ZNF790: variants seen among roughly 807,000 people sequenced by gnomAD.
The protein encoded by ZNF790 is zinc finger protein 790.
In ZNF790, 8 loss-of-function variants were observed where a neutral mutation model predicts 12.1. The ratio of observed to expected loss-of-function variants is 0.66; its 90% CI spans 0.39 to 1.19. The LOEUF is 1.19. Ranked by LOEUF, ZNF790 falls within the 50% of genes most tolerant of loss-of-function variation. The pLI is 0.01. For synonymous variants in ZNF790, 252 were observed against 244.3 expected, an observed-to-expected ratio of 1.03 and a Z score of -0.29; for missense variants, 707 against 752.2, an observed-to-expected ratio of 0.94 and a Z score of 0.70.
At chr19:36,831,166 A>G (rs1206278557) in intron 1 of ZNF790, among the ~76,000 whole-genome samples, 1 of 151,114 alleles carries the variant, frequency 6.6e-6, no homozygotes, top group Non-Finnish European at 1.5e-5. Flanking sequence ...ACAACAAAAA[A>G]CACACAAAGT....
In ZNF790 at chr19:36,844,973, G is replaced by A. The variant is rs1202488855; in HGVS notation, c.-74+5029C>T. ...TGAGGCAGGAGAATGGCGTGAACCC[G>A]GGAGGCGGAGCTTGCAGTGAGCTGA... On this transcript the variant is annotated intron_variant, in intron 1 of 4. Coordinates refer to the ZNF790 transcript ENST00000528994. 8.2e-5 allele frequency among the ~76,000 whole-genome samples: 12 copies of A among 146,284 alleles called. 1 individual carries two copies. The highest frequency in any genetic ancestry group is 1.6e-4 in the Non-Finnish European group (11 of 66,898).
Position 36,819,847 on chromosome 19 carries a change from C to T in ZNF790, c.497G>A (p.Gly166Glu). 6.2e-7 allele frequency: 1 copy of T among 1,614,048 alleles called. No homozygotes were observed. The highest frequency in any genetic ancestry group is 8.5e-7 in the Non-Finnish European group (1 of 1,179,952). Reference protein sequence around the residue: ...VFNLHQRLNTGDKLNEFKELG... With the variant: ...VFNLHQRLNTEDKLNEFKELG... The stretch of plus-strand genomic sequence containing the variant: ...TTCTTTAAATTCATTCAGTTTGTCT[C>T]CTGTATTAAGTCTCTGGTGTAGATT... The change falls in exon 5 of 5, where the codon GGA becomes GAA. Residue 166 changes from glycine to glutamate, a missense_variant. Gly to Glu is a moderately conservative substitution (Grantham distance 98). Transcript: ENST00000356725.
intron 3 of ZNF790, 114 bp from the exon 4 acceptor site, chr19:36,823,494 A>G: frequency 7.8e-7 from 1 of 1,275,660 alleles, no homozygotes; most frequent in Non-Finnish European, 1.1e-6. Context: ...AAAAATAAGT[A>G]TAAACTATGG....
chr19:36,819,538 A>T lies in ZNF790; in HGVS notation c.806T>A (p.Leu269His). The T allele has an allele frequency of 6.2e-7, 1 of 1,613,016 alleles. No homozygotes were observed. Among genetic ancestry groups the T allele is most frequent in the Non-Finnish European group, 8.5e-7 (1 of 1,179,364 alleles). Residue 269 changes from leucine (L) to histidine (H), a missense_variant, in exon 5 of 5, where the codon CTT becomes CAT. Physicochemically the swap from Leu to His is moderately conservative, Grantham distance 99. Transcript: ENST00000356725. ...CGKAFRFHSQ[L>H]SVHKRIHTGE... ...AGTATGAATTCGCTTATGGACACTAAGTTGTGAATGAAATCTAAAGGCTTT... is the reference window on the plus strand; with the variant it reads ...AGTATGAATTCGCTTATGGACACTATGTTGTGAATGAAATCTAAAGGCTTT...
At chr19:36,840,801 A>G (rs1379644723), upstream of ZNF790, among the ~76,000 whole-genome samples, 2 of 152,174 alleles carry the variant, frequency 1.3e-5, no homozygotes, top group African/African-American at 4.8e-5. Context: ...CAGCAACATC[A>G]AATTACAAGA....
At chr19:36,836,296 T>G (rs1437999286) in intron 1 of ZNF790, among the ~76,000 whole-genome samples, 1 of 152,014 alleles carries the variant, frequency 6.6e-6, no homozygotes, top group Non-Finnish European at 1.5e-5. Context: ...AAGTTTAGTC[T>G]AAGATGAAAG....
In ZNF790 at chr19:36,820,104, C is replaced by G. The variant is rs8108379; in HGVS notation, c.240G>C (p.Ser80=). The change falls in exon 5 of 5, where the codon TCG becomes TCC. Residue 80 remains serine (S), a synonymous_variant. Transcript: ENST00000356725. ...GTAATAACTTCTTGGTCTGACACCT[C>G]GACTGCATGTCTGAAAAATAAGAAG... is the stretch of plus-strand genomic sequence containing the variant. The part of the protein sequence containing the change: ...ETRGPCPDMQ[S]RCQTKKLLPK... The G allele has an allele frequency of 1.9e-6, 3 of 1,600,400 alleles. No individual in the cohort carries two copies. The highest frequency in any genetic ancestry group is 2.5e-6 in the Non-Finnish European group (3 of 1,177,636).
Position 36,823,275 on chromosome 19 carries a change from C to A in ZNF790, c.229+10G>T. ...AATGGCCTCCTTGTGCGTGTTCAGCCCTCACTCACCTGGGCAAGGTCCTCT... is the reference window on the plus strand; with the variant it reads ...AATGGCCTCCTTGTGCGTGTTCAGCACTCACTCACCTGGGCAAGGTCCTCT... On this transcript the variant is annotated intron_variant, in intron 4 of 4. Transcript: ENST00000356725. The A allele has an allele frequency of 6.2e-7, 1 of 1,612,032 alleles. No individual in the cohort carries two copies. The highest frequency in any genetic ancestry group is 8.5e-7 in the Non-Finnish European group (1 of 1,178,302).
chr19:36,822,536 G>GTTTT (rs371674734), intron 4 of ZNF790, among the ~76,000 whole-genome samples: 1 of 128,876 alleles, frequency 7.8e-6, no homozygotes, highest in Non-Finnish European at 1.7e-5. Flanking sequence ...TTGTTTGTTT[G>GTTTT]TTTGTTTTGT....
chr19:36,849,425 A>G (rs1568346176), intron 1 of ZNF790, among the ~76,000 whole-genome samples: 1 of 151,998 alleles, frequency 6.6e-6, no homozygotes, highest in Admixed American at 6.6e-5. Context: ...CCTCACATTG[A>G]TTTTAAAAAT....
Position 36,818,399 on chromosome 19 carries a change from G to C in ZNF790, c.*34C>G. On this transcript the variant is annotated 3_prime_UTR_variant, in exon 5 of 5. Coordinates refer to ENST00000356725, the MANE Select transcript of ZNF790 (RefSeq NM_206894.4). ...TAAATGACATCAATTAATGAGTCATGAATAAAGCCCTTCCTACACTTTTAT... is the reference window on the plus strand; with the variant it reads ...TAAATGACATCAATTAATGAGTCATCAATAAAGCCCTTCCTACACTTTTAT... 5 of 1,489,714 alleles carry C rather than the reference G, an allele frequency of 3.4e-6. No homozygotes were observed. The highest frequency in any genetic ancestry group is 4.5e-6 in the Non-Finnish European group (5 of 1,116,906). The allele number at this position is 1,489,714 out of a possible 1,614,324, so 92.3% of individuals were successfully genotyped here.
At chr19:36,824,199 G>A (rs780018308) in intron 2 of ZNF790, among the ~76,000 whole-genome samples, 8 of 151,736 alleles carry the variant, frequency 5.3e-5, no homozygotes, top group Non-Finnish European at 1.0e-4. Flanking sequence ...GGGTTTCTCC[G>A]TGTTAGTCAG....
In ZNF790 at chr19:36,819,543, T is replaced by C; in HGVS notation, c.801A>G (p.Ser267=). Residue 267 remains serine, a synonymous_variant, in exon 5 of 5, where the codon TCA becomes TCG. Transcript: ENST00000356725. ...KDCGKAFRFH[S]QLSVHKRIHT... Reference sequence around the variant, plus strand: ...GAATTCGCTTATGGACACTAAGTTGTGAATGAAATCTAAAGGCTTTCCCAC... The same window carrying C: ...GAATTCGCTTATGGACACTAAGTTGCGAATGAAATCTAAAGGCTTTCCCAC... 6.2e-7 allele frequency: 1 copy of C among 1,612,960 alleles called. No individual in the cohort carries two copies. The highest frequency in any genetic ancestry group is 8.5e-7 in the Non-Finnish European group (1 of 1,179,316).
chr19:36,821,965 CTG>C (rs1260166224), intron 4 of ZNF790, among the ~76,000 whole-genome samples: 3 of 152,188 alleles, frequency 2.0e-5, no homozygotes, highest in African/African-American at 7.2e-5. Context: ...TTCCTCCTCA[CTG>C]TGACCAGAAA....
chr19:36,826,416 C>T (rs2071800161), intron 1 of ZNF790, among the ~76,000 whole-genome samples: 1 of 151,756 alleles, frequency 6.6e-6, no homozygotes, highest in Non-Finnish European at 1.5e-5. Flanking sequence ...AACCCCGTCT[C>T]TACTAAAAAT....
chr19:36,837,913 T>G (rs1388949808), intron 1 of ZNF790: 1 of 152,298 alleles, frequency 6.6e-6, no homozygotes, highest in Non-Finnish European at 1.5e-5. Context: ...CCCCACACAT[T>G]CACGAAGGAC....
At chr19:36,823,538 G>T in intron 3 of ZNF790, 129 bp downstream of exon 3, 1 of 1,328,584 alleles carries the variant, frequency 7.5e-7, no homozygotes, top group Non-Finnish European at 1.0e-6. Context: ...GATAACTATT[G>T]CCAGATTTAC....
intron 1 of ZNF790, among the ~76,000 whole-genome samples, chr19:36,827,434 G>A (rs532942500): frequency 1.8e-4 from 27 of 151,966 alleles, no homozygotes; most frequent in Non-Finnish European, 1.8e-4. Flanking sequence ...CTTCCTGACT[G>A]GGCTCAAGGA....
At chr19:36,825,713 G>A (rs545698346) in intron 1 of ZNF790, 21 bp from the exon 2 acceptor site, 1 of 1,390,128 alleles carries the variant, frequency 7.2e-7, no homozygotes, top group Admixed American at 1.7e-5. Flanking sequence ...AGAATCACAA[G>A]GTCAGGCCTT....
Sources: allele counts gnomAD v4.1 joint callset (sites outside exome capture counted in the v4.1 genomes callset), GRCh38; gene constraint gnomAD v4.1.1; transcripts MANE v1.5; gene names NCBI Gene and HGNC (gene_info 2026-07-23, HGNC 2026-07-21).